The following GMDS variants were observed in gnomAD, a reference collection of about 807,000 sequenced individuals.
GMDS encodes the protein GDP-mannose 4,6 dehydratase.
In GMDS, 20 loss-of-function variants were observed where a neutral mutation model predicts 49.9. The observed-to-expected ratio is 0.40, with a 90% confidence interval of 0.28 to 0.58. GMDS has a LOEUF of 0.58. GMDS is among the 20% of genes least tolerant of loss of function. The probability of loss-of-function intolerance (pLI) is 0.42; values close to 1 mark genes in which losing one functional copy is unlikely to be tolerated. For synonymous variants in GMDS, 177 were observed against 178.6 expected, an observed-to-expected ratio of 0.99 and a Z score of 0.07; for missense variants, 362 against 481.4, an observed-to-expected ratio of 0.75 and a Z score of 2.32.
At chr6:1,855,201 C>T (rs1373643191) in intron 7 of GMDS, among the ~76,000 whole-genome samples, 2 of 152,150 alleles carry the variant, frequency 1.3e-5, no homozygotes, top group Admixed American at 1.3e-4. Context: ...GCCTGTATGA[C>T]CTGCTCTGGG....
chr6:2,107,536 G>C (rs1249449926), intron 4 of GMDS, among the ~76,000 whole-genome samples: 3 of 152,302 alleles, frequency 2.0e-5, no homozygotes, highest in East Asian at 1.9e-4. Context: ...GTTTCGTATT[G>C]CAATTTTGCG....
At chr6:1,631,113 G>A (rs917432210) in intron 9 of GMDS, among the ~76,000 whole-genome samples, 17 of 152,186 alleles carry the variant, frequency 1.1e-4, no homozygotes, top group African/African-American at 4.1e-4. Context: ...AGGGACTCTT[G>A]TGACATCGCT....
chr6:1,748,338 T>C (rs9392332), intron 7 of GMDS, among the ~76,000 whole-genome samples: 84,405 of 152,046 alleles, frequency 0.56, 24,129 homozygotes, highest in African/African-American at 0.68. Flanking sequence ...TTCATGCACA[T>C]CAATTATGCA....
At chr6:2,184,630 A>C (rs1335335375) in intron 1 of GMDS, among the ~76,000 whole-genome samples, 2 of 152,168 alleles carry the variant, frequency 1.3e-5, no homozygotes, top group Non-Finnish European at 2.9e-5. Flanking sequence ...TTCCCAAACT[A>C]TCTGTGATGA....
At chr6:2,204,803 T>C (rs775695416) in intron 1 of GMDS, among the ~76,000 whole-genome samples, 6 of 152,190 alleles carry the variant, frequency 3.9e-5, no homozygotes, top group African/African-American at 7.2e-5. Context: ...CCCTTTCGCC[T>C]ACTGGTAAAA....
At position 1,817,876 on chromosome 6, in the gene GMDS, C is replaced by T. The variant is rs575226171; in HGVS notation, c.772-75290G>A. On this transcript the variant is annotated intron_variant, in intron 7 of 10. Coordinates refer to ENST00000380815, the MANE Select transcript of GMDS (RefSeq NM_001500.4). ...CCCAGTACGGTAAGGAAGATTATAACAGAATGATCAACTATTTTTCTTTTT... is the reference window on the plus strand; with the variant it reads ...CCCAGTACGGTAAGGAAGATTATAATAGAATGATCAACTATTTTTCTTTTT... Among the ~76,000 whole-genome samples, 7 of 152,246 alleles carry T rather than the reference C, an allele frequency of 4.6e-5. No individual in the cohort carries two copies. In the South Asian group the frequency reaches 1.0e-3, roughly 23 times the overall value.
At chr6:2,072,354 G>T (rs1772064484) in intron 4 of GMDS, among the ~76,000 whole-genome samples, 1 of 152,190 alleles carries the variant, frequency 6.6e-6, no homozygotes, top group Non-Finnish European at 1.5e-5. Context: ...TTGAAGAAAA[G>T]TAAGATATCT....
intron 7 of GMDS, among the ~76,000 whole-genome samples, chr6:1,743,415 C>T (rs561542247): frequency 0.012 from 1,740 of 150,206 alleles, 38 homozygotes; most frequent in East Asian, 0.053. Context: ...TGGTGGGGGG[C>T]GCCTGTAGTC....
chr6:2,221,623 C>T (rs995417132), intron 1 of GMDS, among the ~76,000 whole-genome samples: 5 of 152,286 alleles, frequency 3.3e-5, no homozygotes, highest in African/African-American at 1.2e-4. Context: ...ATCCTGACCT[C>T]GTGATCCGAC....
chr6:2,053,873 C>T (rs1562009854), intron 4 of GMDS, among the ~76,000 whole-genome samples: 1 of 151,996 alleles, frequency 6.6e-6, no homozygotes, highest in Non-Finnish European at 1.5e-5. Flanking sequence ...AATAGTTGGG[C>T]AATTCTCTAG....
rs1763133526 is a variant in GMDS, at chr6:1,635,974, T to A, written c.988-11434A>T. 3.3e-5 allele frequency among the ~76,000 whole-genome samples: 5 copies of A among 152,164 alleles called. No individual in the cohort carries two copies. Among genetic ancestry groups the A allele is most frequent in the Admixed American group, 2.6e-4 (4 of 15,278 alleles). ...CACAAGGCACTTTTCCTACGTCGCA[T>A]TTCCAGAGTAACCTGCCACCGTGGC... On this transcript the variant is annotated intron_variant, in intron 9 of 10. Transcript: ENST00000380815. This position sits in a 1 kb window ranked among gnomAD's most constrained non-coding sequence, Gnocchi z 4.7.
chr6:1,952,854 C>T (rs1322371003), intron 6 of GMDS, among the ~76,000 whole-genome samples: 1 of 152,090 alleles, frequency 6.6e-6, no homozygotes, highest in Non-Finnish European at 1.5e-5. Flanking sequence ...AAGAAATACG[C>T]TGTCAACAGG....
At chr6:1,955,001 G>C (rs1016866269) in intron 6 of GMDS, among the ~76,000 whole-genome samples, 5 of 151,888 alleles carry the variant, frequency 3.3e-5, no homozygotes, top group African/African-American at 1.2e-4. Flanking sequence ...ACAGATCACC[G>C]TAACAGATAT....
At chr6:1,747,823 G>A (rs947279497) in intron 7 of GMDS, among the ~76,000 whole-genome samples, 3 of 152,228 alleles carry the variant, frequency 2.0e-5, no homozygotes, top group African/African-American at 2.4e-5. Flanking sequence ...CAAACAGTGT[G>A]AAACCAAAGT....
chr6:1,992,093 CT>C (rs1765983830), intron 4 of GMDS, among the ~76,000 whole-genome samples: 1 of 152,230 alleles, frequency 6.6e-6, no homozygotes, highest in Non-Finnish European at 1.5e-5. Flanking sequence ...CAATAAATGC[CT>C]TTTGTTTAAG....
intron 7 of GMDS, among the ~76,000 whole-genome samples, chr6:1,891,462 T>A (rs1408719769): frequency 2.6e-5 from 4 of 152,144 alleles, no homozygotes; most frequent in African/African-American, 7.2e-5. Context: ...ACTTCCAGAG[T>A]AGATTATGCT....
In GMDS at chr6:1,930,108, C is replaced by T; in HGVS notation, c.766G>A (p.Val256Met). The T allele has an allele frequency of 6.2e-7, 1 of 1,611,334 alleles. No individual in the cohort carries two copies. Among genetic ancestry groups the T allele is most frequent in the Non-Finnish European group, 8.5e-7 (1 of 1,178,382 alleles). Residue 256 changes from valine to methionine, a missense_variant, in exon 7 of 11, where the codon GTG becomes ATG. Physicochemically the swap from Val to Met is conservative, Grantham distance 21 (BLOSUM62 1). Transcript: ENST00000380815. ...KRDWGHAKDY[V>M]EAMWLMLQND... ...TGTAATGTGTCAGTTCCTACCTCCA[C>T]ATAGTCCTTGGCATGGCCCCAATCT... is the stretch of plus-strand genomic sequence containing the variant.
At chr6:1,763,933 G>T (rs748508915) in intron 7 of GMDS, among the ~76,000 whole-genome samples, 7 of 152,118 alleles carry the variant, frequency 4.6e-5, no homozygotes, top group African/African-American at 7.2e-5. Context: ...CTGAAGCTGC[G>T]ATCCACTGGA....
chr6:2,068,928 T>C (rs1330169959), intron 4 of GMDS, among the ~76,000 whole-genome samples: 2 of 152,140 alleles, frequency 1.3e-5, no homozygotes, highest in East Asian at 1.9e-4. Flanking sequence ...TTAAAGTTCA[T>C]ATGGAACCAA....
Sources: allele counts gnomAD v4.1 joint callset (sites outside exome capture counted in the v4.1 genomes callset), GRCh38; gene constraint gnomAD v4.1.1; non-coding constraint Gnocchi (gnomAD v3.1); transcripts MANE v1.5; gene names NCBI Gene and HGNC (gene_info 2026-07-23, HGNC 2026-07-21).